PRKG1: variants seen among roughly 807,000 people sequenced by gnomAD.
PRKG1 encodes the protein cGMP-dependent protein kinase 1.
In PRKG1, 35 loss-of-function variants were observed where a neutral mutation model predicts 88.1. The observed-to-expected ratio is 0.40, with a 90% CI of 0.30 to 0.53. The LOEUF is 0.53. Ranked by LOEUF, PRKG1 falls within the 20% of genes least tolerant of loss-of-function variation. PRKG1 has a pLI of 0.59. For missense variants in PRKG1, 540 were observed against 839.8 expected (o/e 0.64, Z 4.41); for synonymous variants, 303 against 292.5 (o/e 1.04, Z -0.37).
intron 2 of PRKG1, among the ~76,000 whole-genome samples, chr10:51,370,874 C>T (rs570735299): frequency 1.3e-5 from 2 of 151,914 alleles, no homozygotes; most frequent in Non-Finnish European, 2.9e-5. Flanking sequence ...CATGGCCATG[C>T]GTAGGGACTG....
chr10:51,582,528 C>T (rs1838066077), intron 3 of PRKG1, among the ~76,000 whole-genome samples: 1 of 150,956 alleles, frequency 6.6e-6, no homozygotes, highest in Admixed American at 6.6e-5. Flanking sequence ...TTGTTCAGCT[C>T]CCAGTTATAA....
chr10:52,020,948 C>T (rs1264583531), intron 5 of PRKG1, among the ~76,000 whole-genome samples: 1 of 152,074 alleles, frequency 6.6e-6, no homozygotes, highest in East Asian at 1.9e-4. Flanking sequence ...CTCCCTGGTG[C>T]CTGCTGCCAA....
At chr10:51,110,323 T>C (rs1221143860) in intron 1 of PRKG1, among the ~76,000 whole-genome samples, 1 of 152,044 alleles carries the variant, frequency 6.6e-6, no homozygotes, top group African/African-American at 2.4e-5. Flanking sequence ...GGTGAATGGA[T>C]AAAGAAACTG....
chr10:51,004,498 C>G (rs894842825), intron 1 of PRKG1, among the ~76,000 whole-genome samples: 3 of 151,812 alleles, frequency 2.0e-5, no homozygotes, highest in Non-Finnish European at 4.4e-5. Flanking sequence ...AAAAACAAAA[C>G]AAAAAACTGT....
chr10:51,430,913 A>G (rs915946236), intron 2 of PRKG1, among the ~76,000 whole-genome samples: 1 of 152,214 alleles, frequency 6.6e-6, no homozygotes, highest in East Asian at 1.9e-4. Flanking sequence ...AAGCAGATCA[A>G]TGGTTGCCTC....
intron 2 of PRKG1, among the ~76,000 whole-genome samples, chr10:51,279,073 C>A (rs1443714603): frequency 6.6e-6 from 1 of 152,104 alleles, no homozygotes; most frequent in Non-Finnish European, 1.5e-5. Context: ...ATCTTTCCTG[C>A]TTTCTTTTAT....
At chr10:52,133,727 G>T in intron 7 of PRKG1, 113 bp from the exon 8 acceptor site, 4 of 827,262 alleles carry the variant, frequency 4.8e-6, no homozygotes, top group Non-Finnish European at 7.4e-6. Context: ...GCCTGGAGGT[G>T]GATAAATCAG....
At chr10:51,487,005 A>G (rs1410852872) in intron 3 of PRKG1, among the ~76,000 whole-genome samples, 1 of 151,960 alleles carries the variant, frequency 6.6e-6, no homozygotes, top group Admixed American at 6.6e-5. Flanking sequence ...GCATCACTAG[A>G]TCTTGAGAGG....
At position 51,512,067 on chromosome 10, in the gene PRKG1, T is replaced by C. The variant is rs572373441; in HGVS notation, c.592+44231T>C. ...ATTCCATTTATACAAAGTACCAACA[T>C]TGGCAAAACTATAATCCAGTAGTCA... On this transcript the variant is annotated intron_variant, in intron 3 of 17. Coordinates refer to ENST00000373980, the MANE Select transcript of PRKG1 (RefSeq NM_006258.4). Among the ~76,000 whole-genome samples the C allele has an allele frequency of 3.3e-5, 5 of 152,208 alleles. No individual in the cohort carries two copies. The South Asian group carries it at 8.3e-4, about 25-fold the overall frequency.
chr10:51,382,759 G>A (rs916034553), intron 2 of PRKG1, among the ~76,000 whole-genome samples: 10 of 152,144 alleles, frequency 6.6e-5, no homozygotes, highest in African/African-American at 2.2e-4. Context: ...CAAAGCTCTG[G>A]CTCCATTTTC....
rs76151925 is a variant in PRKG1, at chr10:51,659,311, G to T, written c.593-145274G>T. ...AGTTCGCTCAAATGTGCTACAGAGGGTAATCATTGTGATCTGGAACAGTCA... is the reference window on the plus strand; with the variant it reads ...AGTTCGCTCAAATGTGCTACAGAGGTTAATCATTGTGATCTGGAACAGTCA... On this transcript the variant is annotated intron_variant, in intron 3 of 17. Coordinates refer to ENST00000373980, the MANE Select transcript of PRKG1 (RefSeq NM_006258.4). 3.3e-5 allele frequency among the ~76,000 whole-genome samples: 5 copies of T among 152,162 alleles called. No individual in the cohort carries two copies. In the East Asian group the frequency reaches 7.7e-4, roughly 23 times the overall value.
intron 1 of PRKG1, among the ~76,000 whole-genome samples, chr10:51,112,753 T>C (rs1845008274): frequency 6.6e-6 from 1 of 152,176 alleles, no homozygotes; most frequent in African/African-American, 2.4e-5. Context: ...AAATTTTCAG[T>C]CTTCTTTAGT....
chr10:51,553,526 A>G (rs1589072880), intron 3 of PRKG1, among the ~76,000 whole-genome samples: 1 of 151,574 alleles, frequency 6.6e-6, no homozygotes, highest in African/African-American at 2.4e-5. Context: ...TTAGCATCCT[A>G]AAAATAAGTT....
intron 4 of PRKG1, among the ~76,000 whole-genome samples, chr10:51,844,873 CCAGTGGATTATTGGTCCA>C (rs904088266): frequency 2.4e-4 from 37 of 152,246 alleles, no homozygotes; most frequent in African/African-American, 8.2e-4. Flanking sequence ...AGTTGCCTTG[CCAGTGGATTATTGGTCCA>C]CAGTAAAATA....
At chr10:51,611,945 A>G (rs1838920940) in intron 3 of PRKG1, among the ~76,000 whole-genome samples, 1 of 151,964 alleles carries the variant, frequency 6.6e-6, no homozygotes, top group African/African-American at 2.4e-5. Flanking sequence ...TCAGTTGGCT[A>G]TAAATATATC....
At chr10:51,679,009 G>A (rs903726819) in intron 3 of PRKG1, among the ~76,000 whole-genome samples, 8 of 152,092 alleles carry the variant, frequency 5.3e-5, no homozygotes, top group African/African-American at 1.9e-4. Flanking sequence ...AAATTTTAAT[G>A]AATATTTATT....
chr10:51,298,213 A>G (rs911453178), intron 2 of PRKG1, among the ~76,000 whole-genome samples: 3 of 152,172 alleles, frequency 2.0e-5, no homozygotes, highest in African/African-American at 7.2e-5. Flanking sequence ...CAGGTGGCAA[A>G]TGATACATTT....
chr10:52,245,638 A>C (rs1841003052), intron 9 of PRKG1, among the ~76,000 whole-genome samples: 1 of 152,122 alleles, frequency 6.6e-6, no homozygotes, highest in Admixed American at 6.6e-5. Flanking sequence ...GTTTTCCCCA[A>C]GAATTGATCG....
Position 52,274,536 on chromosome 10 carries a change from C to T in PRKG1, c.1403+2055C>T, listed in dbSNP as rs200685595. Among the ~76,000 whole-genome samples, 548 of 123,960 alleles carry T rather than the reference C, an allele frequency of 4.4e-3. 5 individuals carry two copies. The highest frequency in any genetic ancestry group is 0.012 in the Middle Eastern group (3 of 246). The allele number at this position is 123,960 out of a possible 152,430, so 81.3% of individuals were successfully genotyped here. ...ATGCCATCATATATATATATATATA[C>T]ACACACACACATGCCATCATATATA... On this transcript the variant is annotated intron_variant, in intron 12 of 17. Transcript: ENST00000373980.
Sources: gnomAD v4.1 joint callset for allele counts (sites outside exome capture counted in the v4.1 genomes callset) on GRCh38, gnomAD v4.1.1 for gene constraint, MANE v1.5 for transcripts, NCBI Gene and HGNC (gene_info 2026-07-23, HGNC 2026-07-21) for gene names.